Variants in RFC2 observed in about 807,000 individuals in gnomAD.
RFC2 encodes A1 40 kDa subunit.
RFC2 carries 34 observed loss-of-function variants against 44.8 expected under a neutral mutation model. That is an observed-to-expected ratio of 0.76 (90% CI 0.58 to 1.01). The LOEUF is 1.01. Ranked by LOEUF, RFC2 falls within the 50% of genes least tolerant of loss-of-function variation. The pLI is 0.00. For synonymous variants in RFC2, 177 were observed against 168.9 expected (o/e 1.05, Z -0.37); for missense variants, 400 against 453.6 (o/e 0.88, Z 1.07).
At position 74,248,993 on chromosome 7, in the gene RFC2, G is replaced by C; in HGVS notation, c.332+19C>G. On this transcript the variant is annotated intron_variant, in intron 4 of 10. Coordinates refer to ENST00000055077, the MANE Select transcript of RFC2 (RefSeq NM_181471.3). ...ATGCAGAGCACCCGCCCCCCTACAG[G>C]TCTGACTCTAAGACCTACCTGTCAT... 6.3e-7 allele frequency: 1 copy of C among 1,576,596 alleles called. No individual in the cohort carries two copies. The highest frequency in any genetic ancestry group is 8.7e-7 in the Non-Finnish European group (1 of 1,146,670).
intron 2 of RFC2, among the ~76,000 whole-genome samples, chr7:74,250,860 C>T (rs1018927063): frequency 2.6e-5 from 4 of 152,106 alleles, no homozygotes; most frequent in Non-Finnish European, 5.9e-5. Flanking sequence ...ACAATCTCGG[C>T]TCACTGCAAC....
intron 3 of RFC2, 45 bp from the exon 4 acceptor site, chr7:74,249,163 C>G: frequency 6.2e-7 from 1 of 1,612,534 alleles, no homozygotes; most frequent in Non-Finnish European, 8.5e-7. Flanking sequence ...ACCAGAAGGA[C>G]CTCAGGTAGC....
Position 74,238,132 on chromosome 7 carries a change from CCT to C in RFC2, c.760-692_760-691del, listed in dbSNP as rs1803127954. ...ACAAAACAGGGCCCGAACCATCACC[CCT>C]GTTTCTGAGCGGGCCTCCCCTTCCT... On this transcript the variant is annotated intron_variant, in intron 8 of 10. Transcript: ENST00000055077. The surrounding 1 kb of genome is among the most constrained non-coding windows in gnomAD (Gnocchi z 4.0). 6.6e-6 allele frequency among the ~76,000 whole-genome samples: 1 copy of C among 152,106 alleles called. No individual in the cohort carries two copies.
chr7:74,237,252 A>T, intron 9 of RFC2, 110 bp downstream of exon 9: 1 of 678,062 alleles, frequency 1.5e-6, no homozygotes, highest in Non-Finnish European at 2.6e-6. Context: ...TAAGATTTCA[A>T]GAATGAATGG....
At chr7:74,246,608 C>A in intron 5 of RFC2, 54 bp downstream of exon 5, 1 of 1,243,238 alleles carries the variant, frequency 8.0e-7, no homozygotes. Flanking sequence ...TTGAATAAAA[C>A]CGAAAAAGAG....
intron 10 of RFC2, chr7:74,233,874 C>T (rs7779773): frequency 2.1e-4 from 95 of 456,526 alleles, no homozygotes; most frequent in South Asian, 1.1e-3. Context: ...GCAGCCACTT[C>T]GGAAAACCGT....
At chr7:74,242,884 T>C (rs1206780757) in intron 6 of RFC2, among the ~76,000 whole-genome samples, 2 of 151,200 alleles carry the variant, frequency 1.3e-5, no homozygotes, top group Admixed American at 1.3e-4. Context: ...GATCGTGCCA[T>C]TGCACTCCAG....
rs995315555 is a variant in RFC2, at chr7:74,235,698, A to C, written c.841-53T>G. The stretch of plus-strand genomic sequence containing the variant: ...TTACCACTTTAAACTGTAAGAAGAC[A>C]TGTGATTTTGAGACTCACCACAGCT... On this transcript the variant is annotated intron_variant, in intron 9 of 10. Coordinates refer to ENST00000055077, the MANE Select transcript of RFC2 (RefSeq NM_181471.3). 1.0e-5 allele frequency: 13 copies of C among 1,282,138 alleles called. No individual in the cohort carries two copies. The African/African-American group carries it at 1.9e-4, about 19-fold the overall frequency. The allele number at this position is 1,282,138 out of a possible 1,614,324, so 79.4% of individuals were successfully genotyped here.
At chr7:74,239,072 A>C in intron 7 of RFC2, 84 bp from the exon 8 acceptor site, 1 of 1,145,624 alleles carries the variant, frequency 8.7e-7, no homozygotes, top group Non-Finnish European at 1.3e-6. Context: ...TATGTTGCCC[A>C]GGCTGGTCTC....
chr7:74,235,475 C>T (rs1305035314), intron 10 of RFC2, 57 bp downstream of exon 10: 4 of 1,111,472 alleles, frequency 3.6e-6, no homozygotes, highest in East Asian at 4.7e-5. Context: ...GCCCACAGCA[C>T]CCGGCCACTA....
intron 10 of RFC2, chr7:74,233,762 G>A (rs782070571): frequency 2.0e-5 from 9 of 453,128 alleles, no homozygotes; most frequent in African/African-American, 4.0e-5. Flanking sequence ...CACTGCATCC[G>A]GTCATTACAC....
At chr7:74,243,311 T>C (rs1188630378) in intron 5 of RFC2, 65 bp from the exon 6 acceptor site, 12 of 1,105,142 alleles carry the variant, frequency 1.1e-5, no homozygotes, top group Non-Finnish European at 1.7e-5. Context: ...TCGTTCCCTA[T>C]ACAAAAACCC....
chr7:74,240,118 T>C (rs1803247438), intron 6 of RFC2, 23 bp from the exon 7 acceptor site: 1 of 1,606,370 alleles, frequency 6.2e-7, no homozygotes, highest in Non-Finnish European at 8.5e-7. Flanking sequence ...GGGACAGTAG[T>C]GAGGCTTCCC....
At chr7:74,240,224 C>T (rs1342608548) in intron 6 of RFC2, 129 bp from the exon 7 acceptor site, 6 of 763,574 alleles carry the variant, frequency 7.9e-6, no homozygotes, top group African/African-American at 3.5e-5. Flanking sequence ...CTTGGTAGGC[C>T]GGACACGAGG....
At chr7:74,246,479 T>C (rs1181992545) in intron 5 of RFC2, among the ~76,000 whole-genome samples, 183 bp downstream of exon 5, 1 of 151,976 alleles carries the variant, frequency 6.6e-6, no homozygotes, top group Non-Finnish European at 1.5e-5. Context: ...TGAATGACTA[T>C]CTTAGACAAA....
Position 74,250,760 on chromosome 7 carries a change from C to T in RFC2, c.184-980G>A, listed in dbSNP as rs894943837. Among the ~76,000 whole-genome samples, 11 of 152,260 alleles carry T rather than the reference C, an allele frequency of 7.2e-5. 1 individual carries two copies. Among genetic ancestry groups the T allele is most frequent in the African/African-American group, 1.4e-4 (6 of 41,542 alleles). ...AAATCCATTTCCCATCCTGTAACCACGACCACTTTCCTAAAGTACACACCT... is the reference window on the plus strand; with the variant it reads ...AAATCCATTTCCCATCCTGTAACCATGACCACTTTCCTAAAGTACACACCT... On this transcript the variant is annotated intron_variant, in intron 2 of 10. Transcript: ENST00000055077.
chr7:74,247,762 A>G (rs1448061532), intron 4 of RFC2, among the ~76,000 whole-genome samples: 2 of 152,220 alleles, frequency 1.3e-5, no homozygotes, highest in African/African-American at 2.4e-5. Context: ...CAGACTATGA[A>G]TCTTCAGATG....
Position 74,233,833 on chromosome 7 carries a change from C to A in RFC2, c.955-1617G>T, listed in dbSNP as rs3135706. On this transcript the variant is annotated intron_variant, in intron 10 of 10. Transcript: ENST00000055077. ...TCCATGTGGTGGCTAGGTTGAGGAT[C>A]CTCCGGAATGCTGGTGGGAATGCAC... 5.7e-5 allele frequency: 26 copies of A among 456,394 alleles called. 1 individual carries two copies. The highest frequency in any genetic ancestry group is 4.0e-4 in the South Asian group (26 of 64,562). 28.3% of individuals were successfully genotyped at this position (456,394 alleles called of 1,614,324 possible). A position where few individuals can be genotyped will look rare whatever the true frequency, so the allele number is the denominator to read the frequency against.
chr7:74,237,464 G>A, intron 8 of RFC2, 22 bp from the exon 9 acceptor site: 3 of 1,518,646 alleles, frequency 2.0e-6, no homozygotes, highest in South Asian at 1.2e-5. Context: ...GAAAGGAAAG[G>A]CGGTCAGGGG....
Sources: gnomAD v4.1 joint callset for allele counts (sites outside exome capture counted in the v4.1 genomes callset) on GRCh38, gnomAD v4.1.1 for gene constraint, Gnocchi (gnomAD v3.1) non-coding constraint, MANE v1.5 for transcripts, NCBI Gene and HGNC (gene_info 2026-07-23, HGNC 2026-07-21) for gene names.